Variants in MALRD1 observed in about 807,000 individuals in gnomAD.
MALRD1 encodes MAM and LDL receptor class A domain containing 1.
In MALRD1, 247 loss-of-function variants were observed where a neutral mutation model predicts 242.1. That is an observed-to-expected ratio of 1.02 (90% CI 0.92 to 1.13). The LOEUF is 1.13. Ranked by LOEUF, MALRD1 falls within the 50% of genes most tolerant of loss-of-function variation. The pLI is 0.00. For synonymous variants in MALRD1, 995 were observed against 866.6 expected, an observed-to-expected ratio of 1.15 and a Z score of -2.60; for missense variants, 2,989 against 2,533.1, an observed-to-expected ratio of 1.18 and a Z score of -3.86.
intron 5 of MALRD1, among the ~76,000 whole-genome samples, chr10:19,120,875 C>G (rs1221772172): frequency 6.6e-6 from 1 of 152,078 alleles, no homozygotes; most frequent in East Asian, 1.9e-4. Flanking sequence ...TCCTGAGTAG[C>G]TGGGACTACA....
At position 19,154,162 on chromosome 10, in the gene MALRD1, T is replaced by G. The variant is rs2131464115; in HGVS notation, c.1559-913T>G. Among the ~76,000 whole-genome samples the G allele has an allele frequency of 3.3e-5, 5 of 152,314 alleles. 1 individual carries two copies. The Middle Eastern group carries it at 0.017, about 518-fold the overall frequency. ...TATCTTTCCAAGTTGGTTTTGAGATTTAAAAACAATATAAACTGGGTTCTA... is the reference window on the plus strand; with the variant it reads ...TATCTTTCCAAGTTGGTTTTGAGATGTAAAAACAATATAAACTGGGTTCTA... On this transcript the variant is annotated intron_variant, in intron 11 of 39. Coordinates refer to ENST00000454679, the MANE Select transcript of MALRD1 (RefSeq NM_001142308.3).
At chr10:19,654,190 C>T (rs185510270) in intron 36 of MALRD1, among the ~76,000 whole-genome samples, 1 of 152,004 alleles carries the variant, frequency 6.6e-6, no homozygotes, top group Admixed American at 6.6e-5. Flanking sequence ...AATGATACAT[C>T]CCCTAGCATC....
In MALRD1 at chr10:19,127,635, C is replaced by G. The variant is rs188524242; in HGVS notation, c.944-586C>G. ...ATTGTTATTAAGTTCAAGAACAGCT[C>G]AAATTGGTTTTAAATATCAGATGGG... On this transcript the variant is annotated intron_variant, in intron 7 of 39. Coordinates refer to ENST00000454679, the MANE Select transcript of MALRD1 (RefSeq NM_001142308.3). 6.5e-4 allele frequency among the ~76,000 whole-genome samples: 99 copies of G among 152,122 alleles called. No homozygotes were observed. In the South Asian group the frequency reaches 0.015, roughly 22 times the overall value.
rs1840740135 is a variant in MALRD1, at chr10:19,280,200, A to C, written c.3233A>C (p.Asp1078Ala). ...TGTGATTTTAAATATGACTGCCCTGACAAATCAGATGAAGCATCCTGTGGT... is the reference window on the plus strand; with the variant it reads ...TGTGATTTTAAATATGACTGCCCTGCCAAATCAGATGAAGCATCCTGTGGT... ...QKCDFKYDCP[D>A]KSDEASCVME... The change falls in exon 20 of 40, where the codon GAC becomes GCC. Residue 1078 changes from aspartate (D) to alanine (A), a missense_variant. Physicochemically the swap from Asp to Ala is moderately radical, Grantham distance 126. Transcript: ENST00000454679. The C allele has an allele frequency of 2.0e-6, 3 of 1,517,580 alleles. No individual in the cohort carries two copies. The Admixed American group carries it at 7.1e-5, about 36-fold the overall frequency. 94.0% of individuals were successfully genotyped at this position (1,517,580 alleles called of 1,614,324 possible).
rs926820880 is a variant in MALRD1 at position 19,283,250 on chromosome 10, C to CA, written c.3419+69_3419+70insA. The CA allele has an allele frequency of 4.7e-6, 6 of 1,277,962 alleles. No individual in the cohort carries two copies. In the African/African-American group the frequency reaches 9.2e-5, roughly 20 times the overall value. 79.2% of individuals were successfully genotyped at this position (1,277,962 alleles called of 1,614,324 possible). A position where few individuals can be genotyped will look rare whatever the true frequency, so the allele number is the denominator to read the frequency against. ...ATTAAGCATCTCCCAAATTTCTGCC[C>CA]CCACCACCTTATCCTAGGCCAATGC... On this transcript the variant is annotated intron_variant, in intron 21 of 39. Coordinates refer to ENST00000454679, the MANE Select transcript of MALRD1 (RefSeq NM_001142308.3).
At chr10:19,731,458 T>A (rs932260040) in intron 39 of MALRD1, among the ~76,000 whole-genome samples, 1 of 152,074 alleles carries the variant, frequency 6.6e-6, no homozygotes, top group Non-Finnish European at 1.5e-5. Flanking sequence ...ACAATGAAAC[T>A]ATTTAAAATA....
Position 19,327,589 on chromosome 10 carries a change from T to C in MALRD1, c.3603T>C (p.Thr1201=). The part of the protein sequence containing the change: ...LQVLIKKDNV[T]SKLWAQTGQQ... ...TGCTCATCAAGAAAGATAACGTTAC[T>C]TCTAAATTGTGGGCTCAAACTGGAC... The change falls in exon 23 of 40, where the codon ACT becomes ACC. Residue 1201 remains threonine (T), a synonymous_variant. Transcript: ENST00000454679. 1 of 1,549,906 alleles carries C rather than the reference T, an allele frequency of 6.5e-7. No individual in the cohort carries two copies. The highest frequency in any genetic ancestry group is 1.4e-5 in the African/African-American group (1 of 73,126).
chr10:19,115,656 T>C (rs1836845579), intron 5 of MALRD1, among the ~76,000 whole-genome samples: 1 of 151,990 alleles, frequency 6.6e-6, no homozygotes, highest in Admixed American at 6.6e-5. Context: ...TAAAAATATA[T>C]CATGAGGTCA....
At chr10:19,622,536 A>G (rs1839451363) in intron 36 of MALRD1, among the ~76,000 whole-genome samples, 1 of 151,860 alleles carries the variant, frequency 6.6e-6, no homozygotes, top group Non-Finnish European at 1.5e-5. Flanking sequence ...AGATAATTCT[A>G]TAAGTTTAAC....
intron 28 of MALRD1, among the ~76,000 whole-genome samples, chr10:19,411,500 T>C (rs1833274782): frequency 6.6e-6 from 1 of 152,192 alleles, no homozygotes; most frequent in Admixed American, 6.5e-5. Context: ...TGATCTTATT[T>C]AATGTGCATA....
At chr10:19,334,129 T>G (rs932409009) in intron 24 of MALRD1, among the ~76,000 whole-genome samples, 2 of 147,352 alleles carry the variant, frequency 1.4e-5, no homozygotes. Flanking sequence ...GTTTTTTTTT[T>G]TTTTTTTTTT....
At chr10:19,487,287 C>T (rs765525548) in intron 29 of MALRD1, among the ~76,000 whole-genome samples, 91 of 151,756 alleles carry the variant, frequency 6.0e-4, no homozygotes, top group Non-Finnish European at 1.1e-3. Flanking sequence ...ACATGCAAAA[C>T]AGTCTTTCAT....
At chr10:19,242,639 G>A (rs997512731) in intron 18 of MALRD1, among the ~76,000 whole-genome samples, 1 of 151,990 alleles carries the variant, frequency 6.6e-6, no homozygotes, top group Admixed American at 6.6e-5. Flanking sequence ...TAATATATAT[G>A]TTATGTCCTC....
intron 23 of MALRD1, among the ~76,000 whole-genome samples, chr10:19,330,050 AT>A (rs1843298413): frequency 6.6e-6 from 1 of 152,176 alleles, no homozygotes; most frequent in African/African-American, 2.4e-5. Flanking sequence ...GCATATCAAT[AT>A]TTTTCCATGG....
At chr10:19,610,481 G>A (rs1838844455) in intron 35 of MALRD1, among the ~76,000 whole-genome samples, 1 of 151,954 alleles carries the variant, frequency 6.6e-6, no homozygotes, top group Non-Finnish European at 1.5e-5. Flanking sequence ...AGGATTTCAA[G>A]ATAAAGAGAA....
intron 20 of MALRD1, 106 bp from the exon 21 acceptor site, chr10:19,282,913 A>G (rs925448969): frequency 1.5e-5 from 12 of 779,120 alleles, no homozygotes; most frequent in Non-Finnish European, 2.2e-5. Flanking sequence ...AATGTTTAAA[A>G]GTTACATTAG....
chr10:19,289,720 G>GT (rs1360239398), intron 21 of MALRD1, among the ~76,000 whole-genome samples: 2 of 152,002 alleles, frequency 1.3e-5, no homozygotes, highest in Non-Finnish European at 2.9e-5. Flanking sequence ...TCCAAATTTT[G>GT]TTTTTTGTGT....
At chr10:19,256,307 T>C (rs1034964006) in intron 18 of MALRD1, among the ~76,000 whole-genome samples, 8 of 152,104 alleles carry the variant, frequency 5.3e-5, no homozygotes, top group African/African-American at 1.9e-4. Context: ...CCAACTCTAT[T>C]TTTAAAAATA....
chr10:19,200,412 T>C (rs538471253), intron 14 of MALRD1, among the ~76,000 whole-genome samples: 1 of 152,296 alleles, frequency 6.6e-6, no homozygotes, highest in South Asian at 2.1e-4. Flanking sequence ...CTGTTCAAAG[T>C]TCAACCACAT....
Sources: allele counts gnomAD v4.1 joint callset (sites outside exome capture counted in the v4.1 genomes callset), GRCh38; gene constraint gnomAD v4.1.1; transcripts MANE v1.5; gene names NCBI Gene and HGNC (gene_info 2026-07-23, HGNC 2026-07-21).